UNC13C: variants seen among roughly 807,000 people sequenced by gnomAD.
The protein encoded by UNC13C is protein unc-13 homolog C.
In UNC13C, 174 loss-of-function variants were observed where a neutral mutation model predicts 245.4. That is an observed-to-expected ratio of 0.71 (90% CI 0.63 to 0.80). The LOEUF is 0.80. Among genes scored for constraint, UNC13C ranks in the 30% least tolerant of loss-of-function variants. UNC13C has a pLI of 0.00. For synonymous variants in UNC13C, 992 were observed against 895.1 expected, an observed-to-expected ratio of 1.11 and a Z score of -1.93; for missense variants, 2,829 against 2,602.9, an observed-to-expected ratio of 1.09 and a Z score of -1.89.
rs2032127022 is a variant in UNC13C at position 54,143,641 on chromosome 15, G to T, written c.3028G>T (p.Asp1010Tyr). ...TAAGGCTCGAATAGTAAGTGGCAAT[G>T]ATTTGGATGCTTCCAAATTTTCTGC... ...DEKARIVSGN[D>Y]LDASKFSALQ... Residue 1010 changes from aspartate (D) to tyrosine (Y), a missense_variant, in exon 4 of 33, where the codon GAT becomes TAT. Transcript: ENST00000260323. 1 of 1,613,356 alleles carries T rather than the reference G, an allele frequency of 6.2e-7. No homozygotes were observed. The highest frequency in any genetic ancestry group is 1.1e-5 in the South Asian group (1 of 91,028).
At chr15:54,587,307 A>G (rs763205977) in intron 30 of UNC13C, among the ~76,000 whole-genome samples, 1 of 152,212 alleles carries the variant, frequency 6.6e-6, no homozygotes, top group Non-Finnish European at 1.5e-5. Flanking sequence ...CTACCAGGAC[A>G]GTTCACAAAA....
chr15:53,852,751 A>G, the UNC13C span, among the ~76,000 whole-genome samples: 12 of 152,150 alleles, frequency 7.9e-5, no homozygotes, highest in Admixed American at 4.6e-4. Flanking sequence ...AGTCCAACAT[A>G]TGAAAATAGT....
chr15:53,975,327 C>T (rs1225004032), upstream of UNC13C, among the ~76,000 whole-genome samples: 2 of 152,278 alleles, frequency 1.3e-5, no homozygotes, highest in East Asian at 3.9e-4. Flanking sequence ...GCTAGAAATG[C>T]CAACTTGCTG....
chr15:54,437,267 A>G (rs536098947), intron 19 of UNC13C, among the ~76,000 whole-genome samples: 107 of 152,106 alleles, frequency 7.0e-4, no homozygotes, highest in African/African-American at 2.6e-3. Context: ...TATGCTCATA[A>G]TATTTTAGTC....
the UNC13C span, among the ~76,000 whole-genome samples, chr15:53,894,166 G>A: frequency 6.6e-6 from 1 of 152,214 alleles, no homozygotes; most frequent in African/African-American, 2.4e-5. Context: ...TCTGTGGGTT[G>A]CACCCACTGT....
chr15:53,855,930 T>A, the UNC13C span, among the ~76,000 whole-genome samples: 1 of 152,190 alleles, frequency 6.6e-6, no homozygotes, highest in Admixed American at 6.5e-5. Flanking sequence ...CTGGGCTTTT[T>A]TTATTGGTAG....
intron 4 of UNC13C, among the ~76,000 whole-genome samples, chr15:54,217,752 A>G (rs1455032623): frequency 6.6e-6 from 1 of 151,520 alleles, no homozygotes; most frequent in Non-Finnish European, 1.5e-5. Context: ...GATAAAAAAT[A>G]CTTACTGGCC....
At chr15:53,843,294 A>G in the UNC13C span, among the ~76,000 whole-genome samples, 2 of 152,094 alleles carry the variant, frequency 1.3e-5, no homozygotes, top group Non-Finnish European at 2.9e-5. Context: ...AAAAACTGCA[A>G]AAATTATCCA....
chr15:53,922,836 C>T, the UNC13C span, among the ~76,000 whole-genome samples: 1 of 152,098 alleles, frequency 6.6e-6, no homozygotes, highest in Non-Finnish European at 1.5e-5. Context: ...CTGTGTCTTA[C>T]CAGAAAAGTT....
chr15:54,074,661 C>T (rs1898500387), intron 2 of UNC13C, among the ~76,000 whole-genome samples: 1 of 152,068 alleles, frequency 6.6e-6, no homozygotes, highest in African/African-American at 2.4e-5. Flanking sequence ...GGGAGTCACT[C>T]ATGGTTTGGC....
intron 2 of UNC13C, among the ~76,000 whole-genome samples, chr15:54,119,540 A>G (rs1381512970): frequency 6.6e-6 from 1 of 152,130 alleles, no homozygotes; most frequent in Non-Finnish European, 1.5e-5. Context: ...AGACACAACA[A>G]TATTGAAATT....
At chr15:54,003,839 T>C (rs1240407353) in intron 1 of UNC13C, among the ~76,000 whole-genome samples, 3 of 152,002 alleles carry the variant, frequency 2.0e-5, no homozygotes, top group African/African-American at 7.2e-5. Context: ...GGTGAAACCC[T>C]GTCTCTACTA....
chr15:53,871,602 T>C, the UNC13C span, among the ~76,000 whole-genome samples: 2 of 152,148 alleles, frequency 1.3e-5, no homozygotes, highest in East Asian at 3.9e-4. Flanking sequence ...GAGTAGGTCT[T>C]TAGTAAATAT....
At chr15:54,090,684 A>T (rs1028081959) in intron 2 of UNC13C, among the ~76,000 whole-genome samples, 4 of 152,176 alleles carry the variant, frequency 2.6e-5, no homozygotes, top group Non-Finnish European at 5.9e-5. Flanking sequence ...GGGGTTACTC[A>T]TCCCTTTTTC....
intron 10 of UNC13C, among the ~76,000 whole-genome samples, chr15:54,272,798 G>C (rs544288616): frequency 4.0e-4 from 61 of 152,158 alleles, no homozygotes; most frequent in African/African-American, 1.5e-3. Context: ...AGAATCTAAG[G>C]GTTTTATAAT....
intron 14 of UNC13C, among the ~76,000 whole-genome samples, chr15:54,324,581 T>G (rs185959590): frequency 1.3e-5 from 2 of 151,536 alleles, no homozygotes; most frequent in Non-Finnish European, 2.9e-5. Context: ...ATGACAGTGA[T>G]TTTTTTTTAA....
At chr15:54,370,425 A>C (rs2039463381) in intron 17 of UNC13C, among the ~76,000 whole-genome samples, 1 of 152,150 alleles carries the variant, frequency 6.6e-6, no homozygotes, top group Non-Finnish European at 1.5e-5. Context: ...AGATTTACTT[A>C]CTTGTCATTA....
chr15:54,350,755 G>A (rs754593989), intron 17 of UNC13C, among the ~76,000 whole-genome samples: 2 of 152,136 alleles, frequency 1.3e-5, no homozygotes, highest in Non-Finnish European at 2.9e-5. Context: ...CCATAAAACT[G>A]CTGTAGTGGA....
intron 2 of UNC13C, 120 bp downstream of exon 2, chr15:54,016,006 C>A: frequency 2.3e-6 from 2 of 882,986 alleles, no homozygotes; most frequent in Non-Finnish European, 1.7e-6. Context: ...ACTTTCCATG[C>A]TTTACTCTGA....
Sources: gnomAD v4.1 joint callset for allele counts (sites outside exome capture counted in the v4.1 genomes callset) on GRCh38, gnomAD v4.1.1 for gene constraint, MANE v1.5 for transcripts, NCBI Gene and HGNC (gene_info 2026-07-23, HGNC 2026-07-21) for gene names.